The following MFN2 variants were observed in gnomAD, a reference collection of about 807,000 sequenced individuals.
MFN2 encodes mitofusin 2, also known as mitofusin-2.
MFN2 carries 43 observed loss-of-function variants against 87.5 expected under a neutral mutation model. The ratio of observed to expected loss-of-function variants is 0.49; its 90% CI spans 0.38 to 0.63. The LOEUF (loss-of-function observed/expected upper bound fraction) is 0.63, where lower values mean the gene tolerates loss of function less well. Among genes scored for constraint, MFN2 ranks in the 30% least tolerant of loss-of-function variants. The probability of loss-of-function intolerance (pLI) is 0.00; values close to 1 mark genes in which losing one functional copy is unlikely to be tolerated. For missense variants in MFN2, 743 were observed against 972.8 expected (o/e 0.76, Z 3.14); for synonymous variants, 337 against 359.9 (o/e 0.94, Z 0.72).
At chr1:11,983,726 G>A (rs138772890) in intron 2 of MFN2, among the ~76,000 whole-genome samples, 311 of 152,292 alleles carry the variant, frequency 2.0e-3, no homozygotes, top group African/African-American at 7.0e-3. Flanking sequence ...GAGATAATTG[G>A]GGAACACAGG....
At position 12,004,672 on chromosome 1, in the gene MFN2, T is replaced by C; in HGVS notation, c.1392+59T>C. On this transcript the variant is annotated intron_variant, in intron 13 of 18. Transcript: ENST00000235329. The surrounding 1 kb of genome is among the most constrained non-coding windows in gnomAD (Gnocchi z 4.2). ...AGGCCCCCAAAAGTGATTCAACCCC[T>C]GTTGGTCTGGGTCAGGGCCCCCCAG... The C allele has an allele frequency of 6.4e-7, 1 of 1,562,008 alleles. No homozygotes were observed. The highest frequency in any genetic ancestry group is 8.8e-7 in the Non-Finnish European group (1 of 1,133,002).
Position 12,007,234 on chromosome 1 carries a change from GCCA to G in MFN2, c.2058_2060del (p.His686del). The G allele has an allele frequency of 6.2e-7, 1 of 1,614,030 alleles. No homozygotes were observed. Among genetic ancestry groups the G allele is most frequent in the Non-Finnish European group, 8.5e-7 (1 of 1,180,022 alleles). On this transcript the variant is annotated inframe_deletion, in exon 17 of 19. Transcript: ENST00000235329. The stretch of plus-strand genomic sequence containing the variant: ...ATCAGCTACACTGGCTCCAACTGCA[GCCA>G]CCAAGTCCAGCAGTGAGTGGCCCTG...
intron 17 of MFN2, 52 bp downstream of exon 17, chr1:12,007,301 C>T (rs1287105290): frequency 6.3e-7 from 1 of 1,582,310 alleles, no homozygotes; most frequent in Admixed American, 1.8e-5. Context: ...GCAGGGTCAG[C>T]CCCATCTCCC....
Position 11,990,169 on chromosome 1 carries a change from A to G in MFN2, c.175+826A>G, listed in dbSNP as rs374714624. On this transcript the variant is annotated intron_variant, in intron 3 of 18. Coordinates refer to ENST00000235329, the MANE Select transcript of MFN2 (RefSeq NM_014874.4). ...GGCTCAGGGGGGCCACCTTCTTTCC[A>G]TTCTGCTTTCAAATAGAGCAGCTTG... Among the ~76,000 whole-genome samples the G allele has an allele frequency of 3.7e-3, 557 of 152,190 alleles. 2 individuals are homozygous for G. Among genetic ancestry groups the G allele is most frequent in the African/African-American group, 0.013 (529 of 41,538 alleles).
chr1:11,996,596 A>G lies in MFN2; in HGVS notation c.474+278A>G, dbSNP rs79492543. ...CTCTTCACTAATTAAGGAAGACAGT[A>G]TGTGCTGTGTTCTTCCTTGGGATAT... On this transcript the variant is annotated intron_variant, in intron 5 of 18. Transcript: ENST00000235329. Among the ~76,000 whole-genome samples, 3,539 of 152,246 alleles carry G rather than the reference A, an allele frequency of 0.023. 130 individuals are homozygous for G. The highest frequency in any genetic ancestry group is 0.08 in the African/African-American group (3,322 of 41,520).
Position 12,007,248 on chromosome 1 carries a change from C to A in MFN2, c.2068C>A (p.Gln690Lys), listed in dbSNP as rs1218249174. Reference sequence around the variant, plus strand: ...CTCCAACTGCAGCCACCAAGTCCAGCAGTGAGTGGCCCTGTCGGACCCCAG... The same window carrying A: ...CTCCAACTGCAGCCACCAAGTCCAGAAGTGAGTGGCCCTGTCGGACCCCAG... Reference protein sequence around the residue: ...TGSNCSHQVQQELSGTFAHLC... With the variant: ...TGSNCSHQVQKELSGTFAHLC... The change falls in exon 17 of 19, where the codon CAG becomes AAG. Residue 690 changes from glutamine to lysine, a missense_variant and splice_region_variant. Around this residue, in one of 3 missense-constraint regions of MFN2, gnomAD observed 571 missense variants for 670.7 expected, o/e 0.85. Coordinates refer to ENST00000235329, the MANE Select transcript of MFN2 (RefSeq NM_014874.4). The A allele has an allele frequency of 1.2e-6, 2 of 1,613,844 alleles. No individual in the cohort carries two copies. Among genetic ancestry groups the A allele is most frequent in the Non-Finnish European group, 1.7e-6 (2 of 1,179,952 alleles).
chr1:12,012,685 C>G lies in MFN2; in HGVS notation c.*1120C>G, dbSNP rs941146729. ...GGGACAATGTGGAAAACCCAGTGTC[C>G]ATCTTTCCACCCTCCCTGATCTCCA... On this transcript the variant is annotated 3_prime_UTR_variant, in exon 19 of 19. Coordinates refer to ENST00000235329, the MANE Select transcript of MFN2 (RefSeq NM_014874.4). The G allele has an allele frequency of 1.3e-5, 2 of 152,284 alleles. No individual in the cohort carries two copies. The highest frequency in any genetic ancestry group is 4.8e-5 in the African/African-American group (2 of 41,430). The allele number at this position is 152,284 out of a possible 1,614,324, so 9.4% of individuals were successfully genotyped here.
chr1:11,987,946 C>T (rs183702236), intron 2 of MFN2, among the ~76,000 whole-genome samples: 12 of 152,238 alleles, frequency 7.9e-5, no homozygotes, highest in Admixed American at 3.9e-4. Flanking sequence ...GAGATCTTGT[C>T]TCAAAATAAA....
chr1:12,001,633 A>C, intron 9 of MFN2, 79 bp downstream of exon 9: 3 of 1,609,424 alleles, frequency 1.9e-6, no homozygotes, highest in Non-Finnish European at 2.6e-6. Context: ...TGTCAGTAGA[A>C]AATCCTTCTG....
At chr1:11,996,037 C>G (rs1638893315) in intron 4 of MFN2, 119 bp from the exon 5 acceptor site, 1 of 1,274,818 alleles carries the variant, frequency 7.8e-7, no homozygotes, top group Non-Finnish European at 1.1e-6. Flanking sequence ...TCAGCACTGT[C>G]TGGGCACTGG....
In MFN2 at chr1:12,011,804, C is replaced by G; in HGVS notation, c.*239C>G. On this transcript the variant is annotated 3_prime_UTR_variant, in exon 19 of 19. Transcript: ENST00000235329. ...GGACACTTTCAGCGACAGCTATGGACAGCATGGTACCAAGGAGTTAAGTTG... is the reference window on the plus strand; with the variant it reads ...GGACACTTTCAGCGACAGCTATGGAGAGCATGGTACCAAGGAGTTAAGTTG... The G allele has an allele frequency of 1.7e-6, 1 of 588,958 alleles. No individual in the cohort carries two copies. Among genetic ancestry groups the G allele is most frequent in the South Asian group, 2.0e-5 (1 of 50,306 alleles). 36.5% of individuals were successfully genotyped at this position (588,958 alleles called of 1,614,324 possible).
intron 6 of MFN2, among the ~76,000 whole-genome samples, chr1:11,998,442 G>A (rs1409096261): frequency 6.6e-6 from 1 of 152,014 alleles, no homozygotes; most frequent in Non-Finnish European, 1.5e-5. Flanking sequence ...CAGCTACTTG[G>A]GAGGCTGAGG....
At chr1:12,005,576 G>A in intron 14 of MFN2, 135 bp from the exon 15 acceptor site, 1 of 932,998 alleles carries the variant, frequency 1.1e-6, no homozygotes, top group Non-Finnish European at 1.7e-6. Context: ...GGGCCAACTT[G>A]ACTGGGGTGT....
chr1:12,001,454 C>T lies in MFN2; in HGVS notation c.870C>T (p.Gly290=), dbSNP rs368302487. 7.3e-5 allele frequency: 118 copies of T among 1,613,776 alleles called. No homozygotes were observed. Among genetic ancestry groups the T allele is most frequent in the Non-Finnish European group, 8.9e-5 (105 of 1,179,932 alleles). ...RCTSFLVDEL[G]VVDRSQAGDR... Reference sequence around the variant, plus strand: ...CCAGCTTCCTGGTGGATGAGCTGGGCGTGGTGGATCGATCCCAGGCCGGGG... The same window carrying T: ...CCAGCTTCCTGGTGGATGAGCTGGGTGTGGTGGATCGATCCCAGGCCGGGG... Residue 290 remains glycine, a synonymous_variant, in exon 9 of 19, where the codon GGC becomes GGT. Transcript: ENST00000235329.
intron 2 of MFN2, among the ~76,000 whole-genome samples, chr1:11,987,631 G>GA (rs1178594729): frequency 5.0e-4 from 69 of 137,358 alleles, no homozygotes; most frequent in Middle Eastern, 4.1e-3. Context: ...CTCTGTCTCA[G>GA]AAAAAAAAAA....
Position 12,013,314 on chromosome 1 carries a change from C to G in MFN2, c.*1749C>G, listed in dbSNP as rs922284312. On this transcript the variant is annotated 3_prime_UTR_variant, in exon 19 of 19. Coordinates refer to ENST00000235329, the MANE Select transcript of MFN2 (RefSeq NM_014874.4). Reference sequence around the variant, plus strand: ...AAATTTATACCACTGAGGGAGAGACCCTTTCTGAAAGAAGTATGGCCAAAA... The same window carrying G: ...AAATTTATACCACTGAGGGAGAGACGCTTTCTGAAAGAAGTATGGCCAAAA... The G allele has an allele frequency of 2.1e-6, 1 of 469,078 alleles. No individual in the cohort carries two copies. Among genetic ancestry groups the G allele is most frequent in the Non-Finnish European group, 4.4e-6 (1 of 226,270 alleles). 29.1% of individuals were successfully genotyped at this position (469,078 alleles called of 1,614,324 possible).
chr1:11,996,307 A>T lies in MFN2; in HGVS notation c.463A>T (p.Arg155Trp). ...FLLTEGSEEK[R>W]SAKTVNQLAH... Reference sequence around the variant, plus strand: ...CCTTACCGAGGGCTCAGAGGAAAAGAGGAGTGCCAAGGTGAGGGTGCCAGG... The same window carrying T: ...CCTTACCGAGGGCTCAGAGGAAAAGTGGAGTGCCAAGGTGAGGGTGCCAGG... The change falls in exon 5 of 19, where the codon AGG (arginine) becomes TGG (tryptophan). Residue 155 changes from arginine (R) to tryptophan (W), a missense_variant. This residue lies in a region of MFN2 where 141 missense variants were observed against 278.9 expected (regional missense o/e 0.51). Transcript: ENST00000235329. 1 of 1,614,120 alleles carries T rather than the reference A, an allele frequency of 6.2e-7. No homozygotes were observed. The highest frequency in any genetic ancestry group is 1.3e-5 in the African/African-American group (1 of 75,060).
chr1:11,982,485 CTT>C (rs1230460680), intron 2 of MFN2: 1 of 152,224 alleles, frequency 6.6e-6, no homozygotes, highest in Non-Finnish European at 1.5e-5. Flanking sequence ...CCTGTATACT[CTT>C]TTTGTTTCGA....
chr1:11,997,440 C>T lies in MFN2; in HGVS notation c.599+19C>T, dbSNP rs1460126334. On this transcript the variant is annotated intron_variant, in intron 6 of 18. Coordinates refer to ENST00000235329, the MANE Select transcript of MFN2 (RefSeq NM_014874.4). ...TGGACAGGTAAGAGGGAGGTGCCCT[C>T]CTAGGAGGTCCAAACTGGAAGGCAC... 3.7e-6 allele frequency: 6 copies of T among 1,613,104 alleles called. No individual in the cohort carries two copies. In the African/African-American group the frequency reaches 5.3e-5, roughly 14 times the overall value.
Sources: allele counts gnomAD v4.1 joint callset (sites outside exome capture counted in the v4.1 genomes callset), GRCh38; gene constraint gnomAD v4.1.1; regional missense constraint gnomAD v4.1.1; non-coding constraint Gnocchi (gnomAD v3.1); transcripts MANE v1.5; gene names NCBI Gene and HGNC (gene_info 2026-07-23, HGNC 2026-07-21).